The following RIMBP2 variants were observed in gnomAD, a reference collection of about 807,000 sequenced individuals.
RIMBP2 encodes the protein RIMS binding protein 2.
Under a neutral mutation model 118.6 loss-of-function variants are expected in RIMBP2, and 48 were observed. The observed-to-expected ratio is 0.40, with a 90% CI of 0.32 to 0.51. The LOEUF (loss-of-function observed/expected upper bound fraction) is 0.51, where lower values mean the gene tolerates loss of function less well. Among genes scored for constraint, RIMBP2 ranks in the 20% least tolerant of loss-of-function variants. The pLI, the probability that RIMBP2 is intolerant of heterozygous loss-of-function variation, is 0.41. For missense variants in RIMBP2, 1,551 were observed against 1,768.3 expected, an observed-to-expected ratio of 0.88 and a Z score of 2.20; for synonymous variants, 762 against 742.9, an observed-to-expected ratio of 1.03 and a Z score of -0.42.
rs182100416 is a variant in RIMBP2, at chr12:130,701,367, G to A, written c.-352+14855C>T. Among the ~76,000 whole-genome samples the A allele has an allele frequency of 2.6e-5, 4 of 152,300 alleles. No homozygotes were observed. The East Asian group carries it at 7.7e-4, about 29-fold the overall frequency. ...TGTGGTTGGAAGACATAAAAGCTAC[G>A]TGGCACTTTCTGCCTTACACTCAGC... On this transcript the variant is annotated intron_variant, in intron 1 of 22. Coordinates refer to ENST00000690449, the MANE Select transcript of RIMBP2 (RefSeq NM_001393629.1).
At chr12:130,407,626 G>C in intron 20 of RIMBP2, 100 bp downstream of exon 20, 1 of 936,978 alleles carries the variant, frequency 1.1e-6, no homozygotes, top group South Asian at 1.3e-5. Context: ...TCGGAGAGAA[G>C]GAATGAGGAG....
chr12:130,435,737 C>T (rs899663970), intron 13 of RIMBP2, among the ~76,000 whole-genome samples: 5 of 152,348 alleles, frequency 3.3e-5, no homozygotes, highest in Middle Eastern at 3.4e-3. Flanking sequence ...CAATGTCGAA[C>T]GAATTAGCAA....
At position 130,625,021 on chromosome 12, in the gene RIMBP2, C is replaced by T. The variant is rs947023567; in HGVS notation, c.-217+3301G>A. Among the ~76,000 whole-genome samples the T allele has an allele frequency of 2.6e-5, 4 of 152,170 alleles. No individual in the cohort carries two copies. In the East Asian group the frequency reaches 5.8e-4, roughly 22 times the overall value. On this transcript the variant is annotated intron_variant, in intron 2 of 22. Transcript: ENST00000690449. ...TACAGGCATGAGCCACCACGCCAGCCGACCTATCTGGGTGTCTTAAATTGA... is the reference window on the plus strand; with the variant it reads ...TACAGGCATGAGCCACCACGCCAGCTGACCTATCTGGGTGTCTTAAATTGA...
At chr12:130,700,677 G>A (rs983688173) in intron 1 of RIMBP2, among the ~76,000 whole-genome samples, 2 of 152,222 alleles carry the variant, frequency 1.3e-5, no homozygotes, top group African/African-American at 2.4e-5. Context: ...CCCTGCCAGC[G>A]CCTGGATCTC....
intron 2 of RIMBP2, among the ~76,000 whole-genome samples, chr12:130,618,928 G>A (rs866786165): frequency 5.3e-5 from 8 of 152,144 alleles, no homozygotes; most frequent in Middle Eastern, 3.4e-3. Context: ...ACGAATGTTC[G>A]GACCTCTGTC....
rs1437302900 is a variant in RIMBP2 at position 130,428,257 on chromosome 12, C to T, written c.2334G>A (p.Glu778=). The T allele has an allele frequency of 1.9e-6, 3 of 1,613,822 alleles. No homozygotes were observed. Among genetic ancestry groups the T allele is most frequent in the South Asian group, 1.1e-5 (1 of 90,978 alleles). Residue 778 remains glutamate (E), a synonymous_variant, in exon 15 of 23, where the codon GAG becomes GAA. Transcript: ENST00000690449. Reference sequence around the variant, plus strand: ...GCTGCATTTCAGAATACAGCTCCTCCTCGTCCTCCTCCATGATGTCTGAGA... The same window carrying T: ...GCTGCATTTCAGAATACAGCTCCTCTTCGTCCTCCTCCATGATGTCTGAGA... ...SDLSDIMEED[E]EELYSEMQLE...
At chr12:130,400,379 C>T (rs2136269665) in intron 21 of RIMBP2, among the ~76,000 whole-genome samples, 1 of 152,342 alleles carries the variant, frequency 6.6e-6, no homozygotes, top group East Asian at 1.9e-4. Flanking sequence ...ATAACCTCCT[C>T]AGACATTACT....
At chr12:130,536,215 C>A (rs916269890) in intron 2 of RIMBP2, among the ~76,000 whole-genome samples, 1 of 151,926 alleles carries the variant, frequency 6.6e-6, no homozygotes, top group Non-Finnish European at 1.5e-5. Flanking sequence ...GATAGGCAGG[C>A]GGAGCTGGGG....
At chr12:130,516,811 A>G (rs2139038601) in intron 3 of RIMBP2, among the ~76,000 whole-genome samples, 1 of 152,328 alleles carries the variant, frequency 6.6e-6, no homozygotes, top group Non-Finnish European at 1.5e-5. Context: ...TGGAAGGGTC[A>G]GAGGATTGCA....
chr12:130,468,742 C>T (rs1173512741), intron 6 of RIMBP2, among the ~76,000 whole-genome samples: 1 of 152,178 alleles, frequency 6.6e-6, no homozygotes, highest in Non-Finnish European at 1.5e-5. Flanking sequence ...TAACCGAATT[C>T]AGGGTTATCC....
Position 130,611,573 on chromosome 12 carries a change from A to G in RIMBP2, c.-217+16749T>C, listed in dbSNP as rs143236984. Among the ~76,000 whole-genome samples, 846 of 152,274 alleles carry G rather than the reference A, an allele frequency of 5.6e-3. 8 individuals carry two copies. Among genetic ancestry groups the G allele is most frequent in the African/African-American group, 0.02 (813 of 41,566 alleles). ...GCTGGCGGCGACGCGTCTCCTGCGGAGAGGATTTACCTCCGTAGCCTGGGC... is the reference window on the plus strand; with the variant it reads ...GCTGGCGGCGACGCGTCTCCTGCGGGGAGGATTTACCTCCGTAGCCTGGGC... On this transcript the variant is annotated intron_variant, in intron 2 of 22. Transcript: ENST00000690449.
intron 3 of RIMBP2, among the ~76,000 whole-genome samples, chr12:130,510,204 G>C (rs1003997842): frequency 6.6e-6 from 1 of 152,232 alleles, no homozygotes; most frequent in Non-Finnish European, 1.5e-5. Context: ...CCAGAAGCTA[G>C]AGTCCAGCTG....
At chr12:130,517,951 C>T (rs2051649278) in intron 2 of RIMBP2, 34 bp from the exon 3 acceptor site, 2 of 893,156 alleles carry the variant, frequency 2.2e-6, no homozygotes, top group Non-Finnish European at 2.7e-6. Flanking sequence ...TGAGATGGTG[C>T]CCCCATGTTT....
rs2075936466 is a variant in RIMBP2, at chr12:130,414,015, C to T, written c.3420+110G>A. 3.3e-6 allele frequency: 4 copies of T among 1,197,000 alleles called. No individual in the cohort carries two copies. In the South Asian group the frequency reaches 5.3e-5, roughly 16 times the overall value. The allele number at this position is 1,197,000 out of a possible 1,614,324, so 74.1% of individuals were successfully genotyped here. A position where few individuals can be genotyped will look rare whatever the true frequency, so the allele number is the denominator to read the frequency against. ...CCTCCTCCCGTGCCTCGCCCATGGC[C>T]TGCAGGAGAAGGCCATCTCTAAGTC... On this transcript the variant is annotated intron_variant, in intron 18 of 22. Transcript: ENST00000690449.
At position 130,431,386 on chromosome 12, in the gene RIMBP2, C is replaced by A; in HGVS notation, c.2254-3049G>T. On this transcript the variant is annotated intron_variant, in intron 14 of 22. Transcript: ENST00000690449. The surrounding 1 kb of genome is among the most constrained non-coding windows in gnomAD (Gnocchi z 4.0). ...CGGGTTGTAAAACTGGCAGTCTGTGCACCAGCTCAACTTCAGTCACTCCCT... is the reference window on the plus strand; with the variant it reads ...CGGGTTGTAAAACTGGCAGTCTGTGAACCAGCTCAACTTCAGTCACTCCCT... 2.6e-6 allele frequency: 1 copy of A among 380,326 alleles called. No individual in the cohort carries two copies. Among genetic ancestry groups the A allele is most frequent in the South Asian group, 2.0e-5 (1 of 49,662 alleles). The allele number at this position is 380,326 out of a possible 1,614,324, so 23.6% of individuals were successfully genotyped here. A position where few individuals can be genotyped will look rare whatever the true frequency, so the allele number is the denominator to read the frequency against.
chr12:130,656,150 C>T (rs1242324330), intron 1 of RIMBP2, among the ~76,000 whole-genome samples: 2 of 152,144 alleles, frequency 1.3e-5, no homozygotes, highest in Admixed American at 1.3e-4. Flanking sequence ...CCCGGGAGGG[C>T]CAGGAGCGAG....
rs1475048945 is a variant in RIMBP2 at position 130,710,538 on chromosome 12, A to G, written c.-352+5684T>C. The stretch of plus-strand genomic sequence containing the variant: ...CCTCTAGCTTGTTCACTGCTCACCT[A>G]AAATGTGAGTCAGTATTTAGCAGGT... On this transcript the variant is annotated intron_variant, in intron 1 of 22. Coordinates refer to ENST00000690449, the MANE Select transcript of RIMBP2 (RefSeq NM_001393629.1). This position sits in a 1 kb window ranked among gnomAD's most constrained non-coding sequence, Gnocchi z 4.3. Among the ~76,000 whole-genome samples, 1 of 152,144 alleles carries G rather than the reference A, an allele frequency of 6.6e-6. No individual in the cohort carries two copies. The highest frequency in any genetic ancestry group is 2.4e-5 in the African/African-American group (1 of 41,430).
intron 2 of RIMBP2, among the ~76,000 whole-genome samples, chr12:130,563,100 T>C (rs1487722719): frequency 1.3e-5 from 2 of 152,216 alleles, no homozygotes; most frequent in Non-Finnish European, 2.9e-5. Flanking sequence ...TAAAACACTG[T>C]TATCCTGAGT....
At chr12:130,664,461 GCACA>G (rs1566439384) in intron 1 of RIMBP2, among the ~76,000 whole-genome samples, 28 of 42,312 alleles carry the variant, frequency 6.6e-4, no homozygotes, top group South Asian at 1.7e-3. Flanking sequence ...ACACATGCAC[GCACA>G]CACACGCACG....
Sources: gnomAD v4.1 joint callset for allele counts (sites outside exome capture counted in the v4.1 genomes callset) on GRCh38, gnomAD v4.1.1 for gene constraint, Gnocchi (gnomAD v3.1) non-coding constraint, MANE v1.5 for transcripts, NCBI Gene and HGNC (gene_info 2026-07-23, HGNC 2026-07-21) for gene names.